The following PTPRR variants were observed in gnomAD, a reference collection of about 807,000 sequenced individuals.
PTPRR encodes receptor-type tyrosine-protein phosphatase R.
A neutral mutation model predicts 77.2 loss-of-function variants in PTPRR; 38 were observed. The ratio of observed to expected loss-of-function variants is 0.49; its 90% CI spans 0.38 to 0.65. The LOEUF is 0.65. Ranked by LOEUF, PTPRR falls within the 30% of genes least tolerant of loss-of-function variation. The pLI is 0.00. For synonymous variants in PTPRR, 299 were observed against 283.1 expected (o/e 1.06, Z -0.57); for missense variants, 744 against 799.2 (o/e 0.93, Z 0.83).
At chr12:70,841,712 AAAAGT>A (rs1285681564) in intron 2 of PTPRR, among the ~76,000 whole-genome samples, 4 of 118,672 alleles carry the variant, frequency 3.4e-5, no homozygotes, top group African/African-American at 5.5e-5. Flanking sequence ...TAAGCTGAAT[AAAAGT>A]AAAGACATCA....
At chr12:70,713,520 T>G (rs58662821) in intron 6 of PTPRR, among the ~76,000 whole-genome samples, 6,678 of 151,808 alleles carry the variant, frequency 0.044, 526 homozygotes, top group African/African-American at 0.15. Flanking sequence ...CTGCAATGTC[T>G]GAGATTTCCA....
chr12:70,701,400 A>C (rs1262918035), intron 6 of PTPRR, 77 bp from the exon 7 acceptor site: 8 of 1,298,716 alleles, frequency 6.2e-6, no homozygotes, highest in Non-Finnish European at 8.6e-6. Flanking sequence ...CTGTACATGC[A>C]CACAATTCAG....
In PTPRR at chr12:70,827,887, A is replaced by AT. The variant is rs58495480; in HGVS notation, c.358-63110dup. ...AGGCGCCCACCACTACACCCAGCTA[A>AT]TTTTTTGTGTTTTTAGTAGAGACGG... On this transcript the variant is annotated intron_variant, in intron 2 of 13. Transcript: ENST00000283228. 9.4e-3 allele frequency among the ~76,000 whole-genome samples: 1,431 copies of AT among 151,598 alleles called. 22 individuals carry two copies. The highest frequency in any genetic ancestry group is 0.033 in the African/African-American group (1,348 of 41,288).
chr12:70,679,227 TA>T (rs1246411243), intron 10 of PTPRR, among the ~76,000 whole-genome samples: 14 of 152,226 alleles, frequency 9.2e-5, no homozygotes, highest in Non-Finnish European at 1.3e-4. Flanking sequence ...ACAATATTTG[TA>T]AAGTTTCTGA....
intron 1 of PTPRR, among the ~76,000 whole-genome samples, chr12:70,904,871 T>G (rs968606506): frequency 7.9e-5 from 12 of 151,602 alleles, no homozygotes; most frequent in Non-Finnish European, 1.6e-4. Context: ...AGAAACAAAA[T>G]AAGTGGAAAA....
chr12:70,787,530 A>G (rs1891347764), intron 2 of PTPRR, among the ~76,000 whole-genome samples: 1 of 152,224 alleles, frequency 6.6e-6, no homozygotes, highest in Non-Finnish European at 1.5e-5. Context: ...TCATATTAAA[A>G]GCTATATAAG....
chr12:70,916,196 G>C (rs1893773086), intron 1 of PTPRR, among the ~76,000 whole-genome samples: 2 of 152,088 alleles, frequency 1.3e-5, no homozygotes, highest in South Asian at 4.1e-4. Context: ...CATTAACAAG[G>C]TAATATTTAA....
intron 1 of PTPRR, among the ~76,000 whole-genome samples, chr12:70,917,891 G>A (rs1401214253): frequency 6.6e-6 from 1 of 152,174 alleles, no homozygotes; most frequent in Non-Finnish European, 1.5e-5. Flanking sequence ...CCAGCATAAA[G>A]CAGTTGCTGA....
At chr12:70,827,846 G>A (rs535435061) in intron 2 of PTPRR, among the ~76,000 whole-genome samples, 11 of 147,090 alleles carry the variant, frequency 7.5e-5, no homozygotes, top group East Asian at 2.1e-4. Context: ...TCAGCCTCCC[G>A]AGTAGCTGGG....
At chr12:70,747,862 A>T (rs1427706466) in intron 5 of PTPRR, among the ~76,000 whole-genome samples, 2 of 152,194 alleles carry the variant, frequency 1.3e-5, no homozygotes, top group Admixed American at 1.3e-4. Context: ...GAAAAAATGG[A>T]AGAGATTGCT....
chr12:70,914,078 A>G (rs1893739890), intron 1 of PTPRR, among the ~76,000 whole-genome samples: 1 of 152,182 alleles, frequency 6.6e-6, no homozygotes, highest in South Asian at 2.1e-4. Context: ...GAAGATTCTC[A>G]AAGTGGGCTA....
At chr12:70,884,885 A>G (rs1168622197) in intron 2 of PTPRR, among the ~76,000 whole-genome samples, 1 of 150,934 alleles carries the variant, frequency 6.6e-6, no homozygotes, top group Non-Finnish European at 1.5e-5. Context: ...AAAAAAAAAA[A>G]AAAAAAAAAA....
At chr12:70,890,418 A>G (rs1893315359) in intron 2 of PTPRR, among the ~76,000 whole-genome samples, 1 of 152,204 alleles carries the variant, frequency 6.6e-6, no homozygotes, top group Admixed American at 6.5e-5. Flanking sequence ...GGAATCAGGA[A>G]GGGAGGAGAG....
At chr12:70,820,893 C>T (rs1033224241) in intron 2 of PTPRR, among the ~76,000 whole-genome samples, 2 of 152,220 alleles carry the variant, frequency 1.3e-5, no homozygotes, top group Non-Finnish European at 2.9e-5. Context: ...ACCCTTCACT[C>T]TCCTTGCTGG....
chr12:70,819,834 G>A (rs1238630359), intron 2 of PTPRR, among the ~76,000 whole-genome samples: 1 of 152,164 alleles, frequency 6.6e-6, no homozygotes, highest in Non-Finnish European at 1.5e-5. Context: ...TAATATAAAT[G>A]TGTACACTTT....
chr12:70,847,829 C>G (rs1892510194), intron 2 of PTPRR, among the ~76,000 whole-genome samples: 1 of 152,086 alleles, frequency 6.6e-6, no homozygotes, highest in African/African-American at 2.4e-5. Flanking sequence ...TGTATTTTCA[C>G]TTTTAAGAAG....
intron 6 of PTPRR, among the ~76,000 whole-genome samples, chr12:70,740,741 T>C (rs1283766819): frequency 1.3e-5 from 2 of 152,140 alleles, no homozygotes; most frequent in East Asian, 3.8e-4. Flanking sequence ...TCCAAAAGAT[T>C]GGGACAAGTG....
At chr12:70,796,112 C>T (rs895427175) in intron 2 of PTPRR, among the ~76,000 whole-genome samples, 5 of 151,536 alleles carry the variant, frequency 3.3e-5, no homozygotes, top group African/African-American at 7.3e-5. Flanking sequence ...TTAGTAGAGA[C>T]GGGGTTTCAC....
In PTPRR at chr12:70,700,611, A is replaced by C. The variant is rs142903531; in HGVS notation, c.1194+526T>G. Among the ~76,000 whole-genome samples the C allele has an allele frequency of 5.3e-5, 8 of 152,224 alleles. No homozygotes were observed. In the East Asian group the frequency reaches 1.5e-3, roughly 29 times the overall value. On this transcript the variant is annotated intron_variant, in intron 7 of 13. Coordinates refer to ENST00000283228, the MANE Select transcript of PTPRR (RefSeq NM_002849.4). ...GATTCTTTCCATTTTCCCTTCTACT[A>C]TATTAGTTTAGGCCACCAACGCAGT...
Sources: allele counts gnomAD v4.1 joint callset (sites outside exome capture counted in the v4.1 genomes callset), GRCh38; gene constraint gnomAD v4.1.1; transcripts MANE v1.5; gene names NCBI Gene and HGNC (gene_info 2026-07-23, HGNC 2026-07-21).